Variants in RAD18 observed in about 807,000 individuals in gnomAD.
RAD18 encodes E3 ubiquitin-protein ligase RAD18.
A neutral mutation model predicts 60.4 loss-of-function variants in RAD18; 47 were observed. The observed-to-expected ratio is 0.78, with a 90% CI of 0.62 to 0.99. RAD18 has a LOEUF of 0.99. RAD18 is among the 50% of genes least tolerant of loss of function. The pLI, the probability that RAD18 is intolerant of heterozygous loss-of-function variation, is 0.00. For missense variants in RAD18, 640 were observed against 593.3 expected (o/e 1.08, Z -0.82); for synonymous variants, 225 against 195.5 (o/e 1.15, Z -1.26).
intron 2 of RAD18, among the ~76,000 whole-genome samples, chr3:8,957,212 C>G (rs1005720855): frequency 1.3e-5 from 2 of 152,296 alleles, no homozygotes; most frequent in African/African-American, 4.8e-5. Context: ...CATATTCATA[C>G]ACTGAAGACT....
At chr3:8,882,935 G>A (rs920889925) in intron 12 of RAD18, among the ~76,000 whole-genome samples, 20 of 152,224 alleles carry the variant, frequency 1.3e-4, no homozygotes, top group East Asian at 3.9e-4. Flanking sequence ...TGCATGGCCC[G>A]CATTCAAAAA....
chr3:8,950,100 G>A lies in RAD18; in HGVS notation c.134-1530C>T, dbSNP rs45618239. Among the ~76,000 whole-genome samples, 1,073 of 152,114 alleles carry A rather than the reference G, an allele frequency of 7.1e-3. 14 individuals carry two copies. Among genetic ancestry groups the A allele is most frequent in the African/African-American group, 0.024 (1,012 of 41,472 alleles). ...GGCTGGAGTACAGTGGCGCAATCTCGGCTCAATGCAACCTCCGCCTCCTGG... is the reference window on the plus strand; with the variant it reads ...GGCTGGAGTACAGTGGCGCAATCTCAGCTCAATGCAACCTCCGCCTCCTGG... On this transcript the variant is annotated intron_variant, in intron 2 of 12. Coordinates refer to ENST00000264926, the MANE Select transcript of RAD18 (RefSeq NM_020165.4).
intron 7 of RAD18, among the ~76,000 whole-genome samples, chr3:8,922,478 C>T (rs763715642): frequency 6.7e-4 from 102 of 152,326 alleles, no homozygotes; most frequent in Non-Finnish European, 1.2e-3. Flanking sequence ...TCTGTAGACT[C>T]CACCTCTGGG....
intron 2 of RAD18, among the ~76,000 whole-genome samples, chr3:8,958,084 A>G (rs1329060921): frequency 6.6e-6 from 1 of 152,176 alleles, no homozygotes; most frequent in African/African-American, 2.4e-5. Flanking sequence ...ACATTTTCTA[A>G]AGTAGTAAAT....
intron 7 of RAD18, among the ~76,000 whole-genome samples, chr3:8,926,759 T>C (rs1323870406): frequency 1.3e-5 from 2 of 152,104 alleles, no homozygotes; most frequent in Non-Finnish European, 2.9e-5. Flanking sequence ...ATGCCGCATA[T>C]CTACGACTAT....
chr3:8,949,408 C>G (rs1940892778), intron 2 of RAD18, among the ~76,000 whole-genome samples: 1 of 152,118 alleles, frequency 6.6e-6, no homozygotes, highest in Non-Finnish European at 1.5e-5. Flanking sequence ...AGGAAATAAG[C>G]AAGTCTTGCC....
chr3:8,917,313 C>T (rs1940220990), intron 7 of RAD18, among the ~76,000 whole-genome samples: 1 of 152,154 alleles, frequency 6.6e-6, no homozygotes, highest in Non-Finnish European at 1.5e-5. Flanking sequence ...AAAACAAGTT[C>T]TTCAATTAGA....
chr3:8,911,320 C>T (rs1940101466), intron 9 of RAD18, among the ~76,000 whole-genome samples: 1 of 152,152 alleles, frequency 6.6e-6, no homozygotes, highest in Admixed American at 6.5e-5. Flanking sequence ...AAATTACTTT[C>T]TCCCAATGCA....
At chr3:8,942,331 T>C (rs574684602) in intron 4 of RAD18, among the ~76,000 whole-genome samples, 1 of 152,332 alleles carries the variant, frequency 6.6e-6, no homozygotes, top group Admixed American at 6.5e-5. Flanking sequence ...TCTCACCACA[T>C]GACATGCTGC....
chr3:8,958,997 A>G lies in RAD18; in HGVS notation c.56T>C (p.Ile19Thr). 6.2e-7 allele frequency: 1 copy of G among 1,613,260 alleles called. No individual in the cohort carries two copies. The change falls in exon 2 of 13, where the codon ATA becomes ACA. Residue 19 changes from isoleucine to threonine, a missense_variant. By Grantham distance (89) the Ile-to-Thr change is moderately conservative. Transcript: ENST00000264926. Reference protein sequence around the residue: ...WPPGLAVMKTIDDLLRCGICF... With the variant: ...WPPGLAVMKTTDDLLRCGICF... The stretch of plus-strand genomic sequence containing the variant: ...AATTCCACACCGCAGCAAATCATCT[A>G]TTGTCTGAAATGCAAATATGCATAT...
At chr3:8,919,742 G>C (rs1009744771) in intron 7 of RAD18, among the ~76,000 whole-genome samples, 1 of 152,218 alleles carries the variant, frequency 6.6e-6, no homozygotes, top group Non-Finnish European at 1.5e-5. Context: ...AAAAGGACCA[G>C]CGCTCCTCAA....
At chr3:8,954,838 G>T (rs930520451) in intron 2 of RAD18, among the ~76,000 whole-genome samples, 1 of 152,116 alleles carries the variant, frequency 6.6e-6, no homozygotes, top group African/African-American at 2.4e-5. Flanking sequence ...TGGGGGTTTT[G>T]TGTCATTAAA....
intron 11 of RAD18, among the ~76,000 whole-genome samples, chr3:8,890,948 T>C (rs1156939680): frequency 6.6e-6 from 1 of 152,104 alleles, no homozygotes; most frequent in Non-Finnish European, 1.5e-5. Context: ...AAAACTATCA[T>C]CTTCCTAAGC....
At chr3:8,930,216 C>T (rs1248868231) in intron 7 of RAD18, among the ~76,000 whole-genome samples, 1 of 152,114 alleles carries the variant, frequency 6.6e-6, no homozygotes, top group Non-Finnish European at 1.5e-5. Flanking sequence ...CATATTCATA[C>T]AATGGAATAT....
chr3:8,913,106 T>C (rs767240565), intron 8 of RAD18, among the ~76,000 whole-genome samples: 16 of 152,220 alleles, frequency 1.1e-4, no homozygotes, highest in Non-Finnish European at 1.5e-4. Context: ...ATGACTATTT[T>C]CTTCACTGGT....
rs45627038 is a variant in RAD18, at chr3:8,885,464, C to A, written c.1386-4005G>T. On this transcript the variant is annotated intron_variant, in intron 12 of 12. Coordinates refer to ENST00000264926, the MANE Select transcript of RAD18 (RefSeq NM_020165.4). ...AGAGAAAGTTATTTTCTAAAATTTTCTTTTAAAGGCACTATGAGATAGAGA... is the reference window on the plus strand; with the variant it reads ...AGAGAAAGTTATTTTCTAAAATTTTATTTTAAAGGCACTATGAGATAGAGA... Among the ~76,000 whole-genome samples the A allele has an allele frequency of 1.2e-4, 18 of 152,226 alleles. No individual in the cohort carries two copies. In the East Asian group the frequency reaches 2.7e-3, roughly 23 times the overall value.
intron 7 of RAD18, 38 bp downstream of exon 7, chr3:8,935,833 C>A (rs769722237): frequency 1.4e-6 from 2 of 1,451,902 alleles, no homozygotes; most frequent in Admixed American, 2.4e-5. Flanking sequence ...ATTGCTTTAT[C>A]CAGAAAGTAA....
At position 8,877,271 on chromosome 3, in the gene RAD18, T is replaced by C. The variant is rs541826982; in HGVS notation, c.*4086A>G. On this transcript the variant is annotated 3_prime_UTR_variant, in exon 13 of 13. Coordinates refer to ENST00000264926, the MANE Select transcript of RAD18 (RefSeq NM_020165.4). ...AAGATCAAGGCACTGGCAGATTCCG[T>C]GTCTGGTGAGGACTGCTCTCTGCTT... The C allele has an allele frequency of 2.4e-4, 37 of 155,338 alleles. No homozygotes were observed. The highest frequency in any genetic ancestry group is 4.4e-4 in the Non-Finnish European group (31 of 69,932). 9.6% of individuals were successfully genotyped at this position (155,338 alleles called of 1,614,324 possible).
At chr3:8,920,371 C>G (rs1268313250) in intron 7 of RAD18, among the ~76,000 whole-genome samples, 1 of 151,190 alleles carries the variant, frequency 6.6e-6, no homozygotes, top group African/African-American at 2.4e-5. Flanking sequence ...CAATTAGCAA[C>G]TGTGAAACCA....
Sources: allele counts gnomAD v4.1 joint callset (sites outside exome capture counted in the v4.1 genomes callset), GRCh38; gene constraint gnomAD v4.1.1; transcripts MANE v1.5; gene names NCBI Gene and HGNC (gene_info 2026-07-23, HGNC 2026-07-21).